Variants in PYY observed in about 807,000 individuals in gnomAD.
PYY encodes the protein peptide tyrosine tyrosine.
Under a neutral mutation model 10.3 loss-of-function variants are expected in PYY, and 12 were observed. The ratio of observed to expected loss-of-function variants is 1.17; its 90% CI spans 0.75 to 1.89. The LOEUF is 1.89. Among genes scored for constraint, PYY ranks in the 40% most tolerant of loss-of-function variants. The probability of loss-of-function intolerance (pLI) is 0.00; values close to 1 mark genes in which losing one functional copy is unlikely to be tolerated. For synonymous variants in PYY, 66 were observed against 62.0 expected, an observed-to-expected ratio of 1.06 and a Z score of -0.30; for missense variants, 141 against 134.0, an observed-to-expected ratio of 1.05 and a Z score of -0.26.
intron 2 of PYY, among the ~76,000 whole-genome samples, chr17:43,963,556 G>A (rs1232093635): frequency 8.5e-6 from 1 of 118,164 alleles, no homozygotes; most frequent in Non-Finnish European, 1.7e-5. Context: ...AGGGAAGGAA[G>A]GAAGGAAGGA....
Position 43,975,976 on chromosome 17 carries a change from A to G in PYY, c.-462-9444T>C, listed in dbSNP as rs1358515375. Among the ~76,000 whole-genome samples, 2 of 69,882 alleles carry G rather than the reference A, an allele frequency of 2.9e-5. 1 individual carries two copies. The highest frequency in any genetic ancestry group is 4.4e-5 in the Non-Finnish European group (2 of 45,440). 45.8% of individuals were successfully genotyped at this position (69,882 alleles called of 152,430 possible). A position where few individuals can be genotyped will look rare whatever the true frequency, so the allele number is the denominator to read the frequency against. On this transcript the variant is annotated intron_variant, in intron 1 of 6. Transcript: ENST00000360085. Reference sequence around the variant, plus strand: ...TACGTGTACATACACGTGTCTACGTACGTGTACATACACGTGTCTACGTAC... The same window carrying G: ...TACGTGTACATACACGTGTCTACGTGCGTGTACATACACGTGTCTACGTAC...
Position 43,992,123 on chromosome 17 carries a change from GA to G in PYY, c.-463+12267del, listed in dbSNP as rs11396568. ...CAACAGTGCAAGACTCTGTCTCAAA[GA>G]AAAAAAAAAAAAAAAAAACCTTTAC... On this transcript the variant is annotated intron_variant, in intron 1 of 6. Coordinates refer to the PYY transcript ENST00000360085. Among the ~76,000 whole-genome samples the G allele has an allele frequency of 1.5e-3, 178 of 120,490 alleles. 2 individuals carry two copies. Among genetic ancestry groups the G allele is most frequent in the African/African-American group, 4.4e-3 (136 of 31,016 alleles). 79.0% of individuals were successfully genotyped at this position (120,490 alleles called of 152,430 possible).
intron 2 of PYY, among the ~76,000 whole-genome samples, chr17:43,960,497 A>G (rs1054135941): frequency 8.2e-6 from 1 of 122,336 alleles, no homozygotes; most frequent in African/African-American, 3.2e-5. Flanking sequence ...GAACTGAGGC[A>G]CTCCAGCCCG....
At chr17:44,000,924 T>G (rs1209816776) in intron 1 of PYY, among the ~76,000 whole-genome samples, 2 of 152,110 alleles carry the variant, frequency 1.3e-5, no homozygotes, top group African/African-American at 4.8e-5. Flanking sequence ...ACCTGTATGG[T>G]GTACAGGGGC....
Position 43,961,782 on chromosome 17 carries a change from C to A in PYY, c.-217-3754G>T, listed in dbSNP as rs555086797. The stretch of plus-strand genomic sequence containing the variant: ...GTCTTGAACTCCTGACCTCAGCCTC[C>A]CAAAGTGCTGAGATTATAGGCGTGA... On this transcript the variant is annotated intron_variant, in intron 2 of 6. Transcript: ENST00000360085. Among the ~76,000 whole-genome samples the A allele has an allele frequency of 1.1e-4, 17 of 152,208 alleles. No individual in the cohort carries two copies. In the Middle Eastern group the frequency reaches 0.014, roughly 122 times the overall value.
intron 2 of PYY, among the ~76,000 whole-genome samples, chr17:43,963,205 A>G (rs2048724115): frequency 1.3e-5 from 2 of 152,172 alleles, no homozygotes; most frequent in South Asian, 4.1e-4. Flanking sequence ...ATACAAAACT[A>G]TTATGAGAAA....
At chr17:43,971,307 C>T (rs1193692245) in intron 1 of PYY, among the ~76,000 whole-genome samples, 1 of 152,150 alleles carries the variant, frequency 6.6e-6, no homozygotes, top group Middle Eastern at 3.2e-3. Context: ...TGGTGGCTCA[C>T]ACCTGTAATC....
chr17:43,959,808 G>A (rs2048699318), intron 2 of PYY, among the ~76,000 whole-genome samples: 1 of 152,286 alleles, frequency 6.6e-6, no homozygotes. Flanking sequence ...CCACATGAAT[G>A]CTCCTGTTTG....
chr17:43,958,145 A>AAAAAAAAAAAAAG (rs1220153577), upstream of PYY: 1 of 149,560 alleles, frequency 6.7e-6, no homozygotes, highest in African/African-American at 2.5e-5. Flanking sequence ...CAAAAAAAAA[A>AAAAAAAAAAAAAG]AAAAAAAAAA....
intron 1 of PYY, among the ~76,000 whole-genome samples, chr17:44,003,085 G>A (rs547738653): frequency 1.5e-4 from 23 of 151,946 alleles, no homozygotes; most frequent in African/African-American, 4.6e-4. Flanking sequence ...TCGCCCAGAC[G>A]GGAGTGCAGT....
chr17:43,984,762 A>T (rs139791509), intron 1 of PYY, among the ~76,000 whole-genome samples: 1 of 152,220 alleles, frequency 6.6e-6, no homozygotes, highest in Non-Finnish European at 1.5e-5. Context: ...TGCCCAATGC[A>T]TCTGGGTGTC....
chr17:44,003,040 T>C lies in PYY; in HGVS notation c.-463+1351A>G, dbSNP rs571888908. On this transcript the variant is annotated intron_variant, in intron 1 of 6. Coordinates refer to the PYY transcript ENST00000360085. ...TCTTTTTTAATTTTGATTTTAATTT[T>C]AATTTTAATTTTTTTGAGACAGGGT... 2.0e-5 allele frequency among the ~76,000 whole-genome samples: 3 copies of C among 152,322 alleles called. No individual in the cohort carries two copies. The East Asian group carries it at 5.8e-4, about 29-fold the overall frequency.
At chr17:43,962,916 G>A (rs1291297410) in intron 2 of PYY, among the ~76,000 whole-genome samples, 1 of 152,034 alleles carries the variant, frequency 6.6e-6, no homozygotes, top group Non-Finnish European at 1.5e-5. Flanking sequence ...CTCCCTTATG[G>A]TACTGAACCC....
intron 2 of PYY, among the ~76,000 whole-genome samples, chr17:43,961,128 A>T (rs1414972167): frequency 2.6e-5 from 4 of 151,960 alleles, no homozygotes; most frequent in Non-Finnish European, 5.9e-5. Context: ...TGGGAGGCTG[A>T]GGTGGGAGGA....
chr17:43,994,155 GA>G (rs59035364), intron 1 of PYY, among the ~76,000 whole-genome samples: 46,951 of 151,402 alleles, frequency 0.31, 7,870 homozygotes, highest in East Asian at 0.63. Flanking sequence ...CACCCAGCCT[GA>G]AAAAAAAATT....
intron 1 of PYY, among the ~76,000 whole-genome samples, chr17:44,001,322 C>T (rs8071775): frequency 6.6e-6 from 1 of 152,270 alleles, no homozygotes; most frequent in South Asian, 2.1e-4. Flanking sequence ...AAGACCCAAG[C>T]CTGGTGAGAA....
At chr17:43,979,694 T>A (rs574113998) in intron 1 of PYY, among the ~76,000 whole-genome samples, 21 of 149,654 alleles carry the variant, frequency 1.4e-4, no homozygotes, top group East Asian at 9.8e-4. Context: ...GAAAAAAAAA[T>A]TTATATATAT....
chr17:43,961,133 G>T (rs900574444), intron 2 of PYY, among the ~76,000 whole-genome samples: 1 of 151,984 alleles, frequency 6.6e-6, no homozygotes, highest in Admixed American at 6.6e-5. Flanking sequence ...GGCTGAGGTG[G>T]GAGGATCGCT....
chr17:43,989,110 C>G (rs2048933916), intron 1 of PYY, among the ~76,000 whole-genome samples: 1 of 151,706 alleles, frequency 6.6e-6, no homozygotes, highest in Non-Finnish European at 1.5e-5. Flanking sequence ...CGCGGTGGCT[C>G]ACGCCTGTAA....
Sources: allele counts gnomAD v4.1 joint callset (sites outside exome capture counted in the v4.1 genomes callset), GRCh38; gene constraint gnomAD v4.1.1; transcripts MANE v1.5; gene names NCBI Gene and HGNC (gene_info 2026-07-23, HGNC 2026-07-21).